The following PSMA1 variants were observed in gnomAD, a reference collection of about 807,000 sequenced individuals.
PSMA1 encodes the protein proteasome subunit alpha type-1.
A neutral mutation model predicts 38.4 loss-of-function variants in PSMA1; 3 were observed. That is an observed-to-expected ratio of 0.08 (90% CI 0.04 to 0.20). The LOEUF (loss-of-function observed/expected upper bound fraction) is 0.20, where lower values mean the gene tolerates loss of function less well. Ranked by LOEUF, PSMA1 falls within the 10% of genes least tolerant of loss-of-function variation. PSMA1 has a pLI of 1.00. For missense variants in PSMA1, 227 were observed against 325.3 expected (o/e 0.70, Z 2.32); for synonymous variants, 101 against 107.1 (o/e 0.94, Z 0.35).
intron 2 of PSMA1, among the ~76,000 whole-genome samples, chr11:14,528,028 C>G (rs1370023047): frequency 6.6e-6 from 1 of 152,016 alleles, no homozygotes; most frequent in Non-Finnish European, 1.5e-5. Context: ...TGTTTCTAAT[C>G]CTTCTTTAAC....
intron 2 of PSMA1, among the ~76,000 whole-genome samples, chr11:14,605,873 T>C (rs1186306706): frequency 6.6e-6 from 1 of 152,108 alleles, no homozygotes; most frequent in Non-Finnish European, 1.5e-5. Flanking sequence ...ATGCAGAATC[T>C]CTTTAGTTTA....
chr11:14,557,567 T>A (rs1269814924), intron 2 of PSMA1, among the ~76,000 whole-genome samples: 1 of 152,212 alleles, frequency 6.6e-6, no homozygotes, highest in Non-Finnish European at 1.5e-5. Flanking sequence ...TACTCAATTT[T>A]AAAATTTCTG....
At chr11:14,571,677 T>A (rs892063208) in intron 2 of PSMA1, among the ~76,000 whole-genome samples, 1 of 152,134 alleles carries the variant, frequency 6.6e-6, no homozygotes. Context: ...TAACCTTAAA[T>A]GTAAATGAGT....
chr11:14,598,888 C>T (rs1852540319), intron 2 of PSMA1, among the ~76,000 whole-genome samples: 1 of 151,664 alleles, frequency 6.6e-6, no homozygotes, highest in African/African-American at 2.4e-5. Context: ...ACCGGTTGTT[C>T]CTTTCCATGT....
chr11:14,579,507 T>C (rs1392210480), intron 2 of PSMA1, among the ~76,000 whole-genome samples: 1 of 150,802 alleles, frequency 6.6e-6, no homozygotes, highest in African/African-American at 2.4e-5. Flanking sequence ...TTTTTTTTTT[T>C]TTAAATAAGG....
chr11:14,637,340 G>A (rs1853122674), intron 1 of PSMA1, among the ~76,000 whole-genome samples: 1 of 152,158 alleles, frequency 6.6e-6, no homozygotes, highest in Non-Finnish European at 1.5e-5. Flanking sequence ...CTCTTCATCT[G>A]TGAACTACTC....
chr11:14,510,003 G>A (rs531429034), intron 8 of PSMA1, among the ~76,000 whole-genome samples: 15 of 152,276 alleles, frequency 9.9e-5, no homozygotes, highest in Non-Finnish European at 1.9e-4. Context: ...GATTACAGGC[G>A]TGAGCCACCG....
intron 2 of PSMA1, among the ~76,000 whole-genome samples, chr11:14,570,086 CCAGA>C (rs933383526): frequency 1.3e-5 from 2 of 152,146 alleles, no homozygotes; most frequent in Non-Finnish European, 2.9e-5. Flanking sequence ...CTGGTGATAC[CCAGA>C]CAAAGAGGAT....
intron 2 of PSMA1, among the ~76,000 whole-genome samples, chr11:14,594,634 T>C (rs1018568208): frequency 1.3e-5 from 2 of 152,246 alleles, no homozygotes; most frequent in Non-Finnish European, 2.9e-5. Context: ...ATATTGACCA[T>C]AATACAACAT....
chr11:14,617,684 CGT>C (rs1491274080), intron 1 of PSMA1, among the ~76,000 whole-genome samples: 6 of 135,738 alleles, frequency 4.4e-5, no homozygotes, highest in Admixed American at 3.6e-4. Flanking sequence ...CATATATATA[CGT>C]ATATATATAT....
At chr11:14,634,449 G>A (rs931643331) in intron 1 of PSMA1, among the ~76,000 whole-genome samples, 2 of 151,572 alleles carry the variant, frequency 1.3e-5, no homozygotes, top group South Asian at 4.2e-4. Flanking sequence ...AATGAAAGGG[G>A]ATATGTTTTT....
intron 1 of PSMA1, among the ~76,000 whole-genome samples, chr11:14,611,698 T>C (rs571625311): frequency 6.6e-6 from 1 of 152,150 alleles, no homozygotes; most frequent in African/African-American, 2.4e-5. Context: ...ATTGGGTTAA[T>C]CCTAATCTTT....
chr11:14,611,690 T>C (rs1251002452), intron 1 of PSMA1, among the ~76,000 whole-genome samples: 2 of 152,162 alleles, frequency 1.3e-5, no homozygotes, highest in African/African-American at 4.8e-5. Context: ...ACCACAGAAT[T>C]GGGTTAATCC....
At chr11:14,642,971 C>A (rs1172013853) in intron 1 of PSMA1, among the ~76,000 whole-genome samples, 2 of 152,036 alleles carry the variant, frequency 1.3e-5, no homozygotes, top group Non-Finnish European at 2.9e-5. Context: ...AGACCAATTG[C>A]GACAGCAAAT....
chr11:14,513,731 AT>A (rs1589978579), intron 6 of PSMA1, 32 bp from the exon 7 acceptor site: 2 of 1,555,808 alleles, frequency 1.3e-6, no homozygotes, highest in African/African-American at 2.8e-5. Context: ...CCACATAATT[AT>A]TTACTTTGGT....
chr11:14,558,792 T>C (rs1398460415), intron 2 of PSMA1, among the ~76,000 whole-genome samples: 1 of 152,224 alleles, frequency 6.6e-6, no homozygotes, highest in Admixed American at 6.5e-5. Context: ...CCCTGTCCAG[T>C]TGGTCTTTGA....
chr11:14,624,624 A>T (rs1285109670), intron 1 of PSMA1, among the ~76,000 whole-genome samples: 2 of 152,174 alleles, frequency 1.3e-5, no homozygotes, highest in African/African-American at 2.4e-5. Flanking sequence ...GGCAGTTTGG[A>T]CACCTCATGT....
intron 2 of PSMA1, among the ~76,000 whole-genome samples, chr11:14,562,049 T>A (rs1454161117): frequency 1.3e-5 from 2 of 152,186 alleles, no homozygotes; most frequent in African/African-American, 2.4e-5. Context: ...AAGATTCATA[T>A]TTCAGGAAGC....
At chr11:14,572,548 T>A (rs1852158470) in intron 2 of PSMA1, among the ~76,000 whole-genome samples, 1 of 152,176 alleles carries the variant, frequency 6.6e-6, no homozygotes. Context: ...ACTAAATGCC[T>A]GCAAGAGAAA....
Sources: gnomAD v4.1 joint callset for allele counts (sites outside exome capture counted in the v4.1 genomes callset) on GRCh38, gnomAD v4.1.1 for gene constraint, MANE v1.5 for transcripts, NCBI Gene and HGNC (gene_info 2026-07-23, HGNC 2026-07-21) for gene names.